PCDHA12: variants seen among roughly 807,000 people sequenced by gnomAD.
The protein encoded by PCDHA12 is protocadherin alpha-12.
A neutral mutation model predicts 60.0 loss-of-function variants in PCDHA12; 44 were observed. The observed-to-expected ratio is 0.73, with a 90% CI of 0.58 to 0.94. The LOEUF is 0.94. PCDHA12 is among the 40% of genes least tolerant of loss of function. PCDHA12 has a pLI of 0.00. For synonymous variants in PCDHA12, 569 were observed against 553.0 expected (o/e 1.03, Z -0.40); for missense variants, 1,276 against 1,239.7 (o/e 1.03, Z -0.44).
chr5:140,884,484 T>TA, intron 1 of PCDHA12: 1 of 1,613,922 alleles, frequency 6.2e-7, no homozygotes, highest in Non-Finnish European at 8.5e-7. Flanking sequence ...AAGCCCACTC[T>TA]AGTGTGCTCC....
intron 1 of PCDHA12, among the ~76,000 whole-genome samples, chr5:140,909,973 G>A (rs2074802854): frequency 6.6e-6 from 1 of 152,198 alleles, no homozygotes; most frequent in Admixed American, 6.5e-5. Context: ...GGGGAAGGAT[G>A]GGAGAAAGAC....
rs543216216 is a variant in PCDHA12, at chr5:140,917,329, G to A, written c.2367+39490G>A. 1.4e-4 allele frequency among the ~76,000 whole-genome samples: 20 copies of A among 144,014 alleles called. 2 individuals are homozygous for A. In the South Asian group the frequency reaches 2.0e-3, roughly 14 times the overall value. The allele number at this position is 144,014 out of a possible 152,430, so 94.5% of individuals were successfully genotyped here. ...ACAATTTGGTGTTCATGTGGCGGGG[G>A]AGGGGGGGGATGGTGTAGGCTTCTG... is the stretch of plus-strand genomic sequence containing the variant. On this transcript the variant is annotated intron_variant, in intron 1 of 3. Coordinates refer to ENST00000398631, the MANE Select transcript of PCDHA12 (RefSeq NM_018903.4).
At chr5:140,955,965 T>C (rs2095242955) in intron 1 of PCDHA12, among the ~76,000 whole-genome samples, 1 of 152,204 alleles carries the variant, frequency 6.6e-6, no homozygotes, top group Admixed American at 6.5e-5. Context: ...TGTTTGTGCA[T>C]AGGAATGCTA....
intron 1 of PCDHA12, among the ~76,000 whole-genome samples, chr5:140,943,064 C>T (rs1352675515): frequency 1.3e-5 from 2 of 151,818 alleles, no homozygotes; most frequent in African/African-American, 4.8e-5. Context: ...CAAGAACAGC[C>T]TGACCAACAT....
chr5:140,890,344 A>G (rs1482265903), intron 1 of PCDHA12, among the ~76,000 whole-genome samples: 1 of 152,196 alleles, frequency 6.6e-6, no homozygotes, highest in Admixed American at 6.5e-5. Context: ...GGGATGGTTT[A>G]CTATATAGCA....
intron 1 of PCDHA12, among the ~76,000 whole-genome samples, chr5:140,886,245 A>G (rs1241977297): frequency 6.6e-6 from 1 of 152,046 alleles, no homozygotes; most frequent in Non-Finnish European, 1.5e-5. Context: ...GAAATAAATA[A>G]AAGTATCTCT....
chr5:140,916,733 A>G (rs1242424937), intron 1 of PCDHA12, among the ~76,000 whole-genome samples: 1 of 152,146 alleles, frequency 6.6e-6, no homozygotes, highest in Non-Finnish European at 1.5e-5. Flanking sequence ...TTGTTGCTGC[A>G]AGCTTCACTG....
At chr5:140,965,864 G>A (rs553582487) in intron 1 of PCDHA12, among the ~76,000 whole-genome samples, 1 of 152,254 alleles carries the variant, frequency 6.6e-6, no homozygotes, top group East Asian at 1.9e-4. Flanking sequence ...CTGAAAATAA[G>A]GGCCACTTGG....
chr5:140,907,790 A>G (rs2073612747), intron 1 of PCDHA12, among the ~76,000 whole-genome samples: 1 of 152,178 alleles, frequency 6.6e-6, no homozygotes, highest in African/African-American at 2.4e-5. Context: ...CTGGGGAAAG[A>G]GGCTAAGTGG....
chr5:140,984,492 T>C (rs2097106044), intron 3 of PCDHA12, among the ~76,000 whole-genome samples: 1 of 152,224 alleles, frequency 6.6e-6, no homozygotes, highest in Non-Finnish European at 1.5e-5. Context: ...TATCCAGAAC[T>C]GTGCCTGGCT....
chr5:140,950,896 A>G (rs1023778505), intron 1 of PCDHA12, among the ~76,000 whole-genome samples: 1 of 151,834 alleles, frequency 6.6e-6, no homozygotes, highest in Non-Finnish European at 1.5e-5. Context: ...TCTGAGATTT[A>G]TTTTATTTTT....
chr5:141,004,809 C>A (rs1319049687), intron 3 of PCDHA12, among the ~76,000 whole-genome samples: 1 of 152,144 alleles, frequency 6.6e-6, no homozygotes. Context: ...AGCTCAATTG[C>A]AGATTTGATT....
rs1582202337 is a variant in PCDHA12 at position 140,875,391 on chromosome 5, A to G, written c.-82A>G. On this transcript the variant is annotated 5_prime_UTR_variant, in exon 1 of 4. Transcript: ENST00000398631. ...ATTTACTAAATATGTACTTACAGAA[A>G]AGGGTGACTGCTCATAAAATACCTC... The G allele has an allele frequency of 1.4e-6, 2 of 1,472,582 alleles. No individual in the cohort carries two copies. Among genetic ancestry groups the G allele is most frequent in the African/African-American group, 2.8e-5 (2 of 70,446 alleles). 91.2% of individuals were successfully genotyped at this position (1,472,582 alleles called of 1,614,324 possible).
At chr5:140,897,167 C>A (rs1271791310) in intron 1 of PCDHA12, among the ~76,000 whole-genome samples, 1 of 152,140 alleles carries the variant, frequency 6.6e-6, no homozygotes, top group Non-Finnish European at 1.5e-5. Flanking sequence ...TACTGTCTAT[C>A]TCCATGGGTT....
At chr5:140,888,436 G>A (rs782695641) in intron 1 of PCDHA12, among the ~76,000 whole-genome samples, 5 of 152,104 alleles carry the variant, frequency 3.3e-5, no homozygotes, top group Non-Finnish European at 7.4e-5. Flanking sequence ...CAGGACAGCC[G>A]CCCAACAATA....
chr5:140,900,022 T>C (rs1554188836), intron 1 of PCDHA12, among the ~76,000 whole-genome samples: 1 of 152,044 alleles, frequency 6.6e-6, no homozygotes, highest in African/African-American at 2.4e-5. Flanking sequence ...GTTACCCAGT[T>C]TGGCCTTGAA....
rs35184029 is a variant in PCDHA12 at position 140,997,668 on chromosome 5, T to TTGTG, written c.2516-11933_2516-11930dup. 2.7e-3 allele frequency among the ~76,000 whole-genome samples: 396 copies of TTGTG among 148,340 alleles called. 1 individual carries two copies. Among genetic ancestry groups the TTGTG allele is most frequent in the African/African-American group, 5.1e-3 (207 of 40,232 alleles). On this transcript the variant is annotated intron_variant, in intron 3 of 3. Transcript: ENST00000398631. ...AATGCAATATGTATTATTATACAGC[T>TTGTG]TGTGTGTGTGTGTGTGTGTGTGTGT...
rs1554168359 is a variant in PCDHA12, at chr5:140,876,195, G to A, written c.723G>A (p.Ala241=). 1.2e-6 allele frequency: 2 copies of A among 1,613,944 alleles called. No homozygotes were observed. The highest frequency in any genetic ancestry group is 1.7e-5 in the Admixed American group (1 of 60,028). Residue 241 remains alanine (A), a synonymous_variant, in exon 1 of 4, where the codon GCG becomes GCA. Coordinates refer to ENST00000398631, the MANE Select transcript of PCDHA12 (RefSeq NM_018903.4). ...TVLDVNDNGP[A]FDKPSYKVVL... ...TGGATGTGAATGACAATGGTCCGGCGTTTGATAAGCCCAGCTATAAAGTAG... is the reference window on the plus strand; with the variant it reads ...TGGATGTGAATGACAATGGTCCGGCATTTGATAAGCCCAGCTATAAAGTAG...
At chr5:140,962,494 A>T (rs1016662619) in intron 1 of PCDHA12, among the ~76,000 whole-genome samples, 4 of 152,130 alleles carry the variant, frequency 2.6e-5, no homozygotes, top group Admixed American at 2.6e-4. Context: ...CAATTTTCAG[A>T]CACCTCAGCC....
Sources: allele counts gnomAD v4.1 joint callset (sites outside exome capture counted in the v4.1 genomes callset), GRCh38; gene constraint gnomAD v4.1.1; transcripts MANE v1.5; gene names NCBI Gene and HGNC (gene_info 2026-07-23, HGNC 2026-07-21).